ME1: variants seen among roughly 807,000 people sequenced by gnomAD.
ME1 encodes NADP-dependent malic enzyme.
In ME1, 74 loss-of-function variants were observed where a neutral mutation model predicts 66.4. The ratio of observed to expected loss-of-function variants is 1.11; its 90% CI spans 0.92 to 1.35. The LOEUF (loss-of-function observed/expected upper bound fraction) is 1.35. Ranked by LOEUF, ME1 falls within the 40% of genes most tolerant of loss-of-function variation. The pLI, the probability that ME1 is intolerant of heterozygous loss-of-function variation, is 0.00. For synonymous variants in ME1, 251 were observed against 235.6 expected (o/e 1.07, Z -0.60); for missense variants, 750 against 694.1 (o/e 1.08, Z -0.90).
chr6:83,296,182 A>G (rs1052863764), intron 6 of ME1, among the ~76,000 whole-genome samples: 1 of 152,146 alleles, frequency 6.6e-6, no homozygotes, highest in African/African-American at 2.4e-5. Flanking sequence ...TCATCCTGAT[A>G]CCAAAAGCTG....
intron 1 of ME1, among the ~76,000 whole-genome samples, chr6:83,421,562 T>A (rs1770269462): frequency 6.6e-6 from 1 of 152,210 alleles, no homozygotes; most frequent in Non-Finnish European, 1.5e-5. Context: ...CAAAACCAGA[T>A]TAAGTTTCCT....
In ME1 at chr6:83,334,116, G is replaced by A. The variant is rs191041680; in HGVS notation, c.600+12057C>T. On this transcript the variant is annotated intron_variant, in intron 5 of 13. Coordinates refer to ENST00000369705, the MANE Select transcript of ME1 (RefSeq NM_002395.6). The stretch of plus-strand genomic sequence containing the variant: ...GCAGGCCAGTGTGTGCGTGCACCGT[G>A]CGCGAGCCGAAGCAGGTCGAGGCAT... 5.3e-3 allele frequency among the ~76,000 whole-genome samples: 805 copies of A among 152,248 alleles called. 4 individuals carry two copies. The highest frequency in any genetic ancestry group is 7.6e-3 in the Admixed American group (116 of 15,304).
At chr6:83,363,926 A>T (rs1383999430) in intron 3 of ME1, among the ~76,000 whole-genome samples, 1 of 152,116 alleles carries the variant, frequency 6.6e-6, no homozygotes, top group African/African-American at 2.4e-5. Flanking sequence ...CATAATTATG[A>T]CCTTATTATT....
At chr6:83,280,350 T>C (rs1296815357) in intron 6 of ME1, among the ~76,000 whole-genome samples, 1 of 152,132 alleles carries the variant, frequency 6.6e-6, no homozygotes, top group Non-Finnish European at 1.5e-5. Flanking sequence ...AGGGAAGAAC[T>C]GGAAATACTC....
intron 5 of ME1, among the ~76,000 whole-genome samples, chr6:83,343,211 T>G (rs1465943718): frequency 6.6e-6 from 1 of 152,184 alleles, no homozygotes; most frequent in African/African-American, 2.4e-5. Flanking sequence ...CAACTATCAT[T>G]CTACTCTCTA....
chr6:83,237,274 A>G (rs9449597), intron 9 of ME1, among the ~76,000 whole-genome samples: 15 of 83,732 alleles, frequency 1.8e-4, no homozygotes, highest in African/African-American at 7.1e-4. Context: ...AAAGAAAGAA[A>G]GAAAGGAAGG....
At chr6:83,413,825 T>C (rs1481243487) in intron 1 of ME1, among the ~76,000 whole-genome samples, 1 of 152,114 alleles carries the variant, frequency 6.6e-6, no homozygotes, top group Non-Finnish European at 1.5e-5. Flanking sequence ...ATTTCTAGAA[T>C]TGGCTGGGCA....
At chr6:83,237,276 A>AAAGGAAGG (rs1554262995) in intron 9 of ME1, among the ~76,000 whole-genome samples, 2 of 73,638 alleles carry the variant, frequency 2.7e-5, no homozygotes, top group African/African-American at 5.9e-5. Context: ...AGAAAGAAAG[A>AAAGGAAGG]AAGGAAGGAA....
intron 2 of ME1, among the ~76,000 whole-genome samples, chr6:83,403,114 C>T (rs2128551259): frequency 6.6e-6 from 1 of 152,308 alleles, no homozygotes; most frequent in Middle Eastern, 3.4e-3. Context: ...CGAGAGTAAA[C>T]ATCACCCAAG....
At chr6:83,228,992 T>C (rs1305399695) in intron 9 of ME1, 61 bp from the exon 10 acceptor site, 1 of 1,053,314 alleles carries the variant, frequency 9.5e-7, no homozygotes, top group Non-Finnish European at 1.4e-6. Flanking sequence ...TCAATAAATT[T>C]CGGTACATAT....
intron 5 of ME1, among the ~76,000 whole-genome samples, chr6:83,330,917 TC>T: frequency 6.6e-6 from 1 of 152,102 alleles, no homozygotes; most frequent in Admixed American, 6.5e-5. Context: ...TTTTCTTCTC[TC>T]CCCTGGCTTT....
At chr6:83,430,855 C>T in intron 1 of ME1, 22 bp downstream of exon 1, 2 of 1,584,850 alleles carry the variant, frequency 1.3e-6, no homozygotes, top group Non-Finnish European at 1.7e-6. Flanking sequence ...CGATGGGCGG[C>T]CAGGTGGGCC....
chr6:83,370,936 T>C (rs1337164462), intron 3 of ME1, among the ~76,000 whole-genome samples: 1 of 151,946 alleles, frequency 6.6e-6, no homozygotes, highest in African/African-American at 2.4e-5. Context: ...ACAAAAAACA[T>C]TAATGAAGAA....
intron 6 of ME1, among the ~76,000 whole-genome samples, chr6:83,303,595 T>C (rs573664459): frequency 2.0e-5 from 3 of 152,152 alleles, no homozygotes; most frequent in Non-Finnish European, 4.4e-5. Flanking sequence ...TCAAATATAT[T>C]GTGATGATCA....
At position 83,407,962 on chromosome 6, in the gene ME1, C is replaced by G. The variant is rs1709895231; in HGVS notation, c.79-61G>C. On this transcript the variant is annotated intron_variant, in intron 1 of 13. Transcript: ENST00000369705. ...ATTTGAGAGGAAAATAGACAAAAAG[C>G]ATACATATAAAATCTGACAAGTATA... is the stretch of plus-strand genomic sequence containing the variant. The G allele has an allele frequency of 4.0e-6, 6 of 1,496,202 alleles. No individual in the cohort carries two copies. In the African/African-American group the frequency reaches 7.1e-5, roughly 18 times the overall value. 92.7% of individuals were successfully genotyped at this position (1,496,202 alleles called of 1,614,324 possible).
In ME1 at chr6:83,211,843, C is replaced by A; in HGVS notation, c.*81G>T. On this transcript the variant is annotated 3_prime_UTR_variant, in exon 14 of 14. Transcript: ENST00000369705. ...ATCTTAATCTAAGTGTCTTATGAAT[C>A]ATTATAAAAGATTCCAACCTTTAAA... 1.1e-6 allele frequency: 1 copy of A among 901,988 alleles called. No individual in the cohort carries two copies. The highest frequency in any genetic ancestry group is 1.5e-6 in the Non-Finnish European group (1 of 650,192). 55.9% of individuals were successfully genotyped at this position (901,988 alleles called of 1,614,324 possible). A position where few individuals can be genotyped will look rare whatever the true frequency, so the allele number is the denominator to read the frequency against.
At chr6:83,369,494 C>T (rs1369365208) in intron 3 of ME1, among the ~76,000 whole-genome samples, 1 of 152,082 alleles carries the variant, frequency 6.6e-6, no homozygotes, top group Non-Finnish European at 1.5e-5. Context: ...ATGGATATAA[C>T]ACCTTCCATT....
intron 7 of ME1, among the ~76,000 whole-genome samples, chr6:83,243,606 AC>A (rs1419699774): frequency 1.1e-5 from 1 of 90,958 alleles, no homozygotes; most frequent in African/African-American, 6.6e-5. Context: ...TATTATAATT[AC>A]ATTATATCGA....
intron 5 of ME1, among the ~76,000 whole-genome samples, chr6:83,324,647 A>G (rs543183756): frequency 6.6e-6 from 1 of 150,416 alleles, no homozygotes; most frequent in East Asian, 2.0e-4. Context: ...TAAACTAGGA[A>G]GAAGTCGAAT....
Sources: allele counts gnomAD v4.1 joint callset (sites outside exome capture counted in the v4.1 genomes callset), GRCh38; gene constraint gnomAD v4.1.1; transcripts MANE v1.5; gene names NCBI Gene and HGNC (gene_info 2026-07-23, HGNC 2026-07-21).